Variants in MPZL1 observed in about 807,000 individuals in gnomAD.
The protein encoded by MPZL1 is myelin protein zero-like protein 1.
MPZL1 carries 16 observed loss-of-function variants against 29.3 expected under a neutral mutation model. The observed-to-expected ratio is 0.55, with a 90% confidence interval of 0.37 to 0.83. The LOEUF (loss-of-function observed/expected upper bound fraction) is 0.83. Ranked by LOEUF, MPZL1 falls within the 40% of genes least tolerant of loss-of-function variation. MPZL1 has a pLI of 0.00. For missense variants in MPZL1, 279 were observed against 332.9 expected, an observed-to-expected ratio of 0.84 and a Z score of 1.26; for synonymous variants, 143 against 132.0, an observed-to-expected ratio of 1.08 and a Z score of -0.57.
chr1:167,734,149 G>C (rs941900725), intron 1 of MPZL1, among the ~76,000 whole-genome samples: 5 of 151,770 alleles, frequency 3.3e-5, no homozygotes, highest in African/African-American at 1.2e-4. Flanking sequence ...CCAGCTACTC[G>C]GGAGGCTGAG....
chr1:167,763,512 AAAG>A (rs1157148645), intron 1 of MPZL1, among the ~76,000 whole-genome samples: 24 of 151,804 alleles, frequency 1.6e-4, no homozygotes, highest in Admixed American at 1.3e-3. Flanking sequence ...AAAAAAAAAA[AAAG>A]AAAGAAAGAA....
intron 1 of MPZL1, among the ~76,000 whole-genome samples, chr1:167,722,641 T>A (rs1293768674): frequency 6.6e-6 from 1 of 152,234 alleles, no homozygotes; most frequent in Non-Finnish European, 1.5e-5. Flanking sequence ...ACTAGGGTTC[T>A]GGCGTTCTTC....
chr1:167,772,367 T>C lies in MPZL1; in HGVS notation c.351T>C (p.Asp117=). The change falls in exon 3 of 6, where the codon GAT becomes GAC. Residue 117 remains aspartate (D), a synonymous_variant. Transcript: ENST00000359523. ...ISWAGDLDKK[D]ASINIENMQF... is the part of the protein sequence containing the mutation. ...GGGCTGGAGACCTTGACAAGAAAGA[T>C]GCATCAATCAACATAGAAAATATGC... The C allele has an allele frequency of 6.2e-7, 1 of 1,613,876 alleles. No individual in the cohort carries two copies. Among genetic ancestry groups the C allele is most frequent in the Non-Finnish European group, 8.5e-7 (1 of 1,179,766 alleles).
At chr1:167,772,813 A>C (rs1304917812) in intron 3 of MPZL1, among the ~76,000 whole-genome samples, 1 of 152,234 alleles carries the variant, frequency 6.6e-6, no homozygotes, top group African/African-American at 2.4e-5. Flanking sequence ...GGCAGTGGGA[A>C]AGAAGGAGAT....
At chr1:167,723,265 A>G (rs1660077241) in intron 1 of MPZL1, among the ~76,000 whole-genome samples, 1 of 152,228 alleles carries the variant, frequency 6.6e-6, no homozygotes, top group African/African-American at 2.4e-5. Context: ...TCTGAATACC[A>G]GAGTTTACTC....
At chr1:167,766,875 G>C (rs1440430468) in intron 2 of MPZL1, among the ~76,000 whole-genome samples, 1 of 152,160 alleles carries the variant, frequency 6.6e-6, no homozygotes, top group Admixed American at 6.5e-5. Context: ...AGAAAAATCT[G>C]CTAATAATAT....
chr1:167,756,506 C>A (rs969096215), intron 1 of MPZL1, among the ~76,000 whole-genome samples: 2 of 142,668 alleles, frequency 1.4e-5, no homozygotes, highest in Admixed American at 1.5e-4. Flanking sequence ...TTCTCTCACA[C>A]AGAAAGATGA....
chr1:167,753,253 G>A (rs2101769668), intron 1 of MPZL1, among the ~76,000 whole-genome samples: 1 of 152,342 alleles, frequency 6.6e-6, no homozygotes, highest in South Asian at 2.1e-4. Flanking sequence ...GCATGTTGAA[G>A]GAAGTGAGAG....
intron 2 of MPZL1, among the ~76,000 whole-genome samples, chr1:167,767,683 CCCAGTATATTCAAAA>C (rs1228655018): frequency 1.3e-5 from 2 of 151,876 alleles, no homozygotes; most frequent in Non-Finnish European, 2.9e-5. Flanking sequence ...TATATTCAAA[CCCAGTATATTCAAAA>C]GCCATACTGT....
chr1:167,724,836 T>A (rs992730166), intron 1 of MPZL1, among the ~76,000 whole-genome samples: 1 of 152,170 alleles, frequency 6.6e-6, no homozygotes, highest in African/African-American at 2.4e-5. Flanking sequence ...TTGGATTGTT[T>A]GGATGAGGGC....
At chr1:167,741,914 T>A (rs538379381) in intron 1 of MPZL1, among the ~76,000 whole-genome samples, 2 of 152,106 alleles carry the variant, frequency 1.3e-5, no homozygotes, top group Admixed American at 1.3e-4. Context: ...ACACCTGTAG[T>A]CCCAGCTACT....
At chr1:167,775,598 T>G (rs971319905) in intron 4 of MPZL1, among the ~76,000 whole-genome samples, 1 of 152,276 alleles carries the variant, frequency 6.6e-6, no homozygotes, top group East Asian at 1.9e-4. Flanking sequence ...CTTGCCTGGA[T>G]ATATATCTGT....
chr1:167,738,390 A>G (rs1328853583), intron 1 of MPZL1, among the ~76,000 whole-genome samples: 2 of 152,346 alleles, frequency 1.3e-5, no homozygotes, highest in East Asian at 1.9e-4. Flanking sequence ...ATGTCTGCTA[A>G]CAACATAGTG....
intron 5 of MPZL1, chr1:167,787,283 A>G (rs1661610937): frequency 6.6e-6 from 1 of 152,334 alleles, no homozygotes; most frequent in Non-Finnish European, 1.5e-5. Context: ...GTTGTATTGA[A>G]GAATATTTGA....
rs1660606781 is a variant in MPZL1 at position 167,744,682 on chromosome 1, T to TC, written c.92-20900dup. 1.2e-4 allele frequency among the ~76,000 whole-genome samples: 5 copies of TC among 43,056 alleles called. No individual in the cohort carries two copies. The South Asian group carries it at 2.8e-3, about 24-fold the overall frequency. 28.2% of individuals were successfully genotyped at this position (43,056 alleles called of 152,430 possible). A position where few individuals can be genotyped will look rare whatever the true frequency, so the allele number is the denominator to read the frequency against. ...CTGGGCGAAAGAGCGAAACTCAGTCTCAAAAAAAAAAAAAAAAAGAACCTC... is the reference window on the plus strand; with the variant it reads ...CTGGGCGAAAGAGCGAAACTCAGTCTCCAAAAAAAAAAAAAAAAAGAACCTC... On this transcript the variant is annotated intron_variant, in intron 1 of 5. Transcript: ENST00000359523.
chr1:167,729,494 A>G (rs996408199), intron 1 of MPZL1, among the ~76,000 whole-genome samples: 3 of 152,212 alleles, frequency 2.0e-5, no homozygotes, highest in Non-Finnish European at 2.9e-5. Flanking sequence ...AGTGTCTAAT[A>G]GTTATTCTCT....
At chr1:167,766,161 A>T (rs1661111016) in intron 2 of MPZL1, among the ~76,000 whole-genome samples, 1 of 152,138 alleles carries the variant, frequency 6.6e-6, no homozygotes, top group African/African-American at 2.4e-5. Context: ...CTGATTTAGC[A>T]ATATTGATTT....
chr1:167,766,032 T>C, intron 2 of MPZL1: 1 of 230,738 alleles, frequency 4.3e-6, no homozygotes, highest in Non-Finnish European at 8.3e-6. Flanking sequence ...ATCCTGCATC[T>C]TTTCATCTTT....
At chr1:167,733,510 T>A (rs376645778) in intron 1 of MPZL1, among the ~76,000 whole-genome samples, 2 of 151,580 alleles carry the variant, frequency 1.3e-5, no homozygotes, top group African/African-American at 4.9e-5. Context: ...TTTGGGAAGC[T>A]GAGATGGGTG....
Sources: gnomAD v4.1 joint callset for allele counts (sites outside exome capture counted in the v4.1 genomes callset) on GRCh38, gnomAD v4.1.1 for gene constraint, MANE v1.5 for transcripts, NCBI Gene and HGNC (gene_info 2026-07-23, HGNC 2026-07-21) for gene names.